The following RAB3GAP2 variants were observed in gnomAD, a reference collection of about 807,000 sequenced individuals.
RAB3GAP2 encodes rab3 GTPase-activating protein non-catalytic subunit.
In RAB3GAP2, 87 loss-of-function variants were observed where a neutral mutation model predicts 185.3. That is an observed-to-expected ratio of 0.47 (90% CI 0.39 to 0.56). The LOEUF is 0.56. RAB3GAP2 is among the 20% of genes least tolerant of loss of function. The probability of loss-of-function intolerance (pLI) is 0.00; values close to 1 mark genes in which losing one functional copy is unlikely to be tolerated. For missense variants in RAB3GAP2, 1,492 were observed against 1,638.2 expected (o/e 0.91, Z 1.54); for synonymous variants, 554 against 576.1 (o/e 0.96, Z 0.55).
intron 12 of RAB3GAP2, among the ~76,000 whole-genome samples, chr1:220,194,423 G>A (rs776251323): frequency 3.3e-5 from 5 of 151,588 alleles, no homozygotes; most frequent in South Asian, 2.1e-4. Flanking sequence ...GGAGTTTTTC[G>A]CTCTTGTCCC....
chr1:220,194,518 G>C (rs1658687831), intron 12 of RAB3GAP2, among the ~76,000 whole-genome samples: 1 of 152,052 alleles, frequency 6.6e-6, no homozygotes, highest in African/African-American at 2.4e-5. Flanking sequence ...TCAGCCACCG[G>C]AGTAGCTGGG....
intron 1 of RAB3GAP2, among the ~76,000 whole-genome samples, chr1:220,262,082 G>T (rs1294471198): frequency 6.7e-6 from 1 of 149,704 alleles, no homozygotes; most frequent in Non-Finnish European, 1.5e-5. Context: ...GAGGTCAGGA[G>T]ATCGAGACCA....
rs1349911360 is a variant in RAB3GAP2, at chr1:220,270,539, C to A, written c.115+1684G>T. Among the ~76,000 whole-genome samples the A allele has an allele frequency of 2.0e-5, 3 of 152,212 alleles. No homozygotes were observed. The East Asian group carries it at 5.8e-4, about 29-fold the overall frequency. The stretch of plus-strand genomic sequence containing the variant: ...AGTTGCCCAAACCACAAGCCAAAGA[C>A]TTCCTAAACTCCCCCTCACTTACTA... On this transcript the variant is annotated intron_variant, in intron 1 of 34. Coordinates refer to ENST00000358951, the MANE Select transcript of RAB3GAP2 (RefSeq NM_012414.4).
rs2102848114 is a variant in RAB3GAP2 at position 220,150,617 on chromosome 1, C to T, written c.*634G>A. On this transcript the variant is annotated 3_prime_UTR_variant, in exon 35 of 35. Transcript: ENST00000358951. ...TGATTCTCAATTTTGGCAAGTACAACAGGTTAAGGGTTCTATTTAGTGTCC... is the reference window on the plus strand; with the variant it reads ...TGATTCTCAATTTTGGCAAGTACAATAGGTTAAGGGTTCTATTTAGTGTCC... 1 of 152,726 alleles carries T rather than the reference C, an allele frequency of 6.5e-6. No homozygotes were observed. The highest frequency in any genetic ancestry group is 3.4e-3 in the Middle Eastern group (1 of 294). 9.5% of individuals were successfully genotyped at this position (152,726 alleles called of 1,614,324 possible). A position where few individuals can be genotyped will look rare whatever the true frequency, so the allele number is the denominator to read the frequency against.
At chr1:220,228,847 CAAAG>C (rs1354492976) in intron 2 of RAB3GAP2, among the ~76,000 whole-genome samples, 1 of 152,192 alleles carries the variant, frequency 6.6e-6, no homozygotes, top group Non-Finnish European at 1.5e-5. Context: ...TCTATCAAGA[CAAAG>C]AACACCAAGC....
rs544877204 is a variant in RAB3GAP2 at position 220,154,824 on chromosome 1, G to A, written c.3556-767C>T. Among the ~76,000 whole-genome samples the A allele has an allele frequency of 9.3e-5, 14 of 150,600 alleles. 1 individual carries two copies. The South Asian group carries it at 2.3e-3, about 25-fold the overall frequency. On this transcript the variant is annotated intron_variant, in intron 31 of 34. Transcript: ENST00000358951. ...CAGCCTCCACCTTCCTGGTTCAAGCGATTCTCCCACCTCAGCCTCCCAAGT... is the reference window on the plus strand; with the variant it reads ...CAGCCTCCACCTTCCTGGTTCAAGCAATTCTCCCACCTCAGCCTCCCAAGT...
intron 10 of RAB3GAP2, 136 bp downstream of exon 10, chr1:220,196,114 T>G (rs1434104352): frequency 6.9e-5 from 66 of 956,652 alleles, no homozygotes; most frequent in Non-Finnish European, 9.4e-5. Context: ...TAGTTGAGAT[T>G]AATTTTAGTT....
intron 1 of RAB3GAP2, among the ~76,000 whole-genome samples, chr1:220,249,439 G>A (rs1025808035): frequency 1.3e-5 from 2 of 152,180 alleles, no homozygotes; most frequent in East Asian, 1.9e-4. Context: ...TTTTAAACTT[G>A]AGAAAGATAG....
At chr1:220,215,344 T>A (rs1335173352) in intron 2 of RAB3GAP2, among the ~76,000 whole-genome samples, 1 of 152,124 alleles carries the variant, frequency 6.6e-6, no homozygotes, top group African/African-American at 2.4e-5. Context: ...TTTTTGAAAG[T>A]GCTTGCTTTT....
At chr1:220,167,798 ACCC>A in intron 24 of RAB3GAP2, 123 bp from the exon 25 acceptor site, 2 of 1,072,182 alleles carry the variant, frequency 1.9e-6, no homozygotes, top group Non-Finnish European at 2.8e-6. Flanking sequence ...CCTGAAGCTG[ACCC>A]GAAAAAGCCA....
At chr1:220,156,059 T>C (rs954893147) in intron 31 of RAB3GAP2, among the ~76,000 whole-genome samples, 5 of 152,042 alleles carry the variant, frequency 3.3e-5, no homozygotes, top group African/African-American at 1.2e-4. Flanking sequence ...CAAGCGATTA[T>C]CCTGCCTCAG....
Position 220,196,339 on chromosome 1 carries a change from T to G in RAB3GAP2, c.871A>C (p.Asn291His), listed in dbSNP as rs1194886655. The G allele has an allele frequency of 9.3e-6, 15 of 1,607,438 alleles. No individual in the cohort carries two copies. The South Asian group carries it at 1.6e-4, about 18-fold the overall frequency. ...GGTGGACTATTTTTAATTGCTGCAT[T>G]AAATCCACCTATATTGGAGGCAGTC... ...MKTASNIGGF[N>H]AAIKNSPPAM... Residue 291 changes from asparagine (N) to histidine (H), a missense_variant, in exon 10 of 35, where the codon AAT becomes CAT. Physicochemically the swap from Asn to His is moderately conservative, Grantham distance 68. This residue lies in a region of RAB3GAP2 where 243 missense variants were observed against 314.8 expected (regional missense o/e 0.77). Transcript: ENST00000358951.
At chr1:220,214,747 T>C (rs1399355117) in intron 2 of RAB3GAP2, among the ~76,000 whole-genome samples, 1 of 151,734 alleles carries the variant, frequency 6.6e-6, no homozygotes, top group Non-Finnish European at 1.5e-5. Context: ...CGTTTATGTA[T>C]TGTATAGGTA....
Position 220,182,760 on chromosome 1 carries a change from G to A in RAB3GAP2, c.2170C>T (p.Leu724Phe). 1 of 1,611,314 alleles carries A rather than the reference G, an allele frequency of 6.2e-7. No homozygotes were observed. Among genetic ancestry groups the A allele is most frequent in the African/African-American group, 1.3e-5 (1 of 74,956 alleles). ...LEYLEYEKDV[L>F]NIKKISEEEY... ...TCTTCACTTATTTTCTTTATGTTGAGCACATCCTTTTCATATTCTAAATAT... is the reference window on the plus strand; with the variant it reads ...TCTTCACTTATTTTCTTTATGTTGAACACATCCTTTTCATATTCTAAATAT... The change falls in exon 20 of 35, where the codon CTC (leucine) becomes TTC (phenylalanine). Residue 724 changes from leucine (L) to phenylalanine (F), a missense_variant. Around this residue, in one of 5 missense-constraint regions of RAB3GAP2, gnomAD observed 681 missense variants for 689.1 expected, o/e 0.99. Coordinates refer to ENST00000358951, the MANE Select transcript of RAB3GAP2 (RefSeq NM_012414.4).
chr1:220,190,215 CAACT>C, intron 15 of RAB3GAP2, 69 bp from the exon 16 acceptor site: 1 of 1,524,348 alleles, frequency 6.6e-7, no homozygotes, highest in Non-Finnish European at 9.1e-7. Context: ...TGACACACTC[CAACT>C]TTTTTTTCCT....
chr1:220,259,674 A>G lies in RAB3GAP2; in HGVS notation c.115+12549T>C, dbSNP rs375682632. ...AATCTAGCAATACCATTCAGGACAT[A>G]GGCATGGGCAAAGATTTCATGATGA... On this transcript the variant is annotated intron_variant, in intron 1 of 34. Coordinates refer to ENST00000358951, the MANE Select transcript of RAB3GAP2 (RefSeq NM_012414.4). Among the ~76,000 whole-genome samples the G allele has an allele frequency of 5.3e-5, 8 of 152,348 alleles. No individual in the cohort carries two copies. The East Asian group carries it at 9.6e-4, about 18-fold the overall frequency.
chr1:220,161,327 T>C (rs545668712), intron 28 of RAB3GAP2, among the ~76,000 whole-genome samples: 1 of 152,334 alleles, frequency 6.6e-6, no homozygotes, highest in African/African-American at 2.4e-5. Context: ...TGACTGTGAC[T>C]ATACATTTAA....
intron 12 of RAB3GAP2, among the ~76,000 whole-genome samples, chr1:220,194,082 T>G (rs1028159059): frequency 6.6e-6 from 1 of 152,062 alleles, no homozygotes; most frequent in Non-Finnish European, 1.5e-5. Flanking sequence ...GAAGCTATAC[T>G]TCGATAAATT....
chr1:220,186,455 A>G lies in RAB3GAP2; in HGVS notation c.1780-714T>C, dbSNP rs148093936. Reference sequence around the variant, plus strand: ...AATAACCTCTGCGTGTTTGTGGAGGAGAAATGGGCTTAGAGGGTGGCTCAA... The same window carrying G: ...AATAACCTCTGCGTGTTTGTGGAGGGGAAATGGGCTTAGAGGGTGGCTCAA... On this transcript the variant is annotated intron_variant, in intron 17 of 34. Coordinates refer to ENST00000358951, the MANE Select transcript of RAB3GAP2 (RefSeq NM_012414.4). 4.0e-4 allele frequency among the ~76,000 whole-genome samples: 61 copies of G among 152,312 alleles called. 1 individual carries two copies. The East Asian group carries it at 0.011, about 28-fold the overall frequency.
Sources: gnomAD v4.1 joint callset for allele counts (sites outside exome capture counted in the v4.1 genomes callset) on GRCh38, gnomAD v4.1.1 for gene constraint, gnomAD v4.1.1 regional missense constraint, MANE v1.5 for transcripts, NCBI Gene and HGNC (gene_info 2026-07-23, HGNC 2026-07-21) for gene names.